The following ANK1 variants were observed in gnomAD, a reference collection of about 807,000 sequenced individuals.
The protein encoded by ANK1 is ankyrin 1, also known as ankyrin-1.
ANK1 carries 51 observed loss-of-function variants against 210.4 expected under a neutral mutation model. That is an observed-to-expected ratio of 0.24 (90% CI 0.19 to 0.31). The LOEUF (loss-of-function observed/expected upper bound fraction) is 0.31, where lower values mean the gene tolerates loss of function less well. Among genes scored for constraint, ANK1 ranks in the 10% least tolerant of loss-of-function variants. The pLI is 1.00. For synonymous variants in ANK1, 967 were observed against 1,025.9 expected, an observed-to-expected ratio of 0.94 and a Z score of 1.10; for missense variants, 2,051 against 2,504.4, an observed-to-expected ratio of 0.82 and a Z score of 3.86.
At chr8:41,815,128 A>C (rs2150785631) in intron 1 of ANK1, among the ~76,000 whole-genome samples, 1 of 152,334 alleles carries the variant, frequency 6.6e-6, no homozygotes, top group African/African-American at 2.4e-5. Flanking sequence ...TCAAAGTGAC[A>C]TGAGATCTTA....
At chr8:41,809,741 C>T (rs933978692) in intron 1 of ANK1, among the ~76,000 whole-genome samples, 20 of 152,188 alleles carry the variant, frequency 1.3e-4, no homozygotes, top group East Asian at 3.9e-4. Flanking sequence ...CACTTCAACC[C>T]GAGTGACAGA....
At chr8:41,701,932 G>T (rs370307870) in intron 21 of ANK1, 120 bp downstream of exon 21, 4 of 1,063,700 alleles carry the variant, frequency 3.8e-6, no homozygotes, top group African/African-American at 3.1e-5. Context: ...CGTCGGGCGC[G>T]GCGCCTCCGA....
chr8:41,783,395 T>C (rs1181609986), intron 1 of ANK1, among the ~76,000 whole-genome samples: 1 of 152,204 alleles, frequency 6.6e-6, no homozygotes, highest in Non-Finnish European at 1.5e-5. Flanking sequence ...TCCCGGGTCC[T>C]TCCCTGGAGC....
rs373986210 is a variant in ANK1, at chr8:41,706,033, G to A, written c.2097+110C>T. The A allele has an allele frequency of 1.5e-4, 161 of 1,054,918 alleles. No homozygotes were observed. The African/African-American group carries it at 2.2e-3, about 14-fold the overall frequency. The allele number at this position is 1,054,918 out of a possible 1,614,324, so 65.3% of individuals were successfully genotyped here. On this transcript the variant is annotated intron_variant, in intron 18 of 42. Coordinates refer to ENST00000289734, the MANE Select transcript of ANK1 (RefSeq NM_000037.4). Reference sequence around the variant, plus strand: ...CCACTGCCAGCCCTAGGAAGTGGCAGAGAAGAATGTCCCACTGGGTCTTTG... The same window carrying A: ...CCACTGCCAGCCCTAGGAAGTGGCAAAGAAGAATGTCCCACTGGGTCTTTG...
chr8:41,706,322 C>A, intron 17 of ANK1, 81 bp from the exon 18 acceptor site: 1 of 1,311,158 alleles, frequency 7.6e-7, no homozygotes, highest in East Asian at 2.5e-5. Context: ...GGTCTGGGAG[C>A]TGAAGCTAAC....
intron 1 of ANK1, among the ~76,000 whole-genome samples, chr8:41,761,813 G>C (rs1391045364): frequency 6.6e-6 from 1 of 152,138 alleles, no homozygotes; most frequent in African/African-American, 2.4e-5. Flanking sequence ...CAGCAGTAGG[G>C]TTCTCCAGCC....
chr8:41,726,897 A>G (rs1159374584), intron 5 of ANK1, among the ~76,000 whole-genome samples: 3 of 152,232 alleles, frequency 2.0e-5, no homozygotes, highest in African/African-American at 7.2e-5. Context: ...CCAAGGGTGC[A>G]TGGTGGTTTT....
At chr8:41,850,005 C>T (rs1288021138) in intron 1 of ANK1, among the ~76,000 whole-genome samples, 2 of 152,184 alleles carry the variant, frequency 1.3e-5, no homozygotes, top group African/African-American at 2.4e-5. Context: ...CAGCGGCTCT[C>T]AGACAGTCCC....
intron 1 of ANK1, among the ~76,000 whole-genome samples, chr8:41,794,837 T>C (rs1203272902): frequency 6.6e-6 from 1 of 152,174 alleles, no homozygotes; most frequent in African/African-American, 2.4e-5. Context: ...CCTAAGTAGC[T>C]GGGACTACAG....
At position 41,692,682 on chromosome 8, in the gene ANK1, T is replaced by C; in HGVS notation, c.3824A>G (p.Asn1275Ser). 6.2e-7 allele frequency: 1 copy of C among 1,613,884 alleles called. No homozygotes were observed. Among genetic ancestry groups the C allele is most frequent in the Non-Finnish European group, 8.5e-7 (1 of 1,179,998 alleles). ...KVDKTLEQHE[N>S]FVEVARSRDI... is the part of the protein sequence containing the mutation. Reference sequence around the variant, plus strand: ...CCTGCTCCGGGCCACCTCCACGAAGTTCTCATGCTGCTCCAGGGTCTTGTC... The same window carrying C: ...CCTGCTCCGGGCCACCTCCACGAAGCTCTCATGCTGCTCCAGGGTCTTGTC... Residue 1275 changes from asparagine (N) to serine (S), a missense_variant, in exon 31 of 43, where the codon AAC (asparagine) becomes AGC (serine). By Grantham distance (46) the Asn-to-Ser change is conservative. This residue lies in a region of ANK1 where 1,413 missense variants were observed against 1,707.4 expected (regional missense o/e 0.83). Transcript: ENST00000289734.
At chr8:41,703,450 A>ATATATATATATATATATATT (rs59985416) in intron 20 of ANK1, among the ~76,000 whole-genome samples, 9 of 58,820 alleles carry the variant, frequency 1.5e-4, no homozygotes, top group East Asian at 5.4e-4. Context: ...ATATATATAT[A>ATATATATATATATATATATT]TTTTTTTTTT....
At chr8:41,756,066 A>AAT (rs1225588560) in intron 2 of ANK1, among the ~76,000 whole-genome samples, 1 of 152,222 alleles carries the variant, frequency 6.6e-6, no homozygotes, top group African/African-American at 2.4e-5. Context: ...CCACTGCAAG[A>AAT]CCAACTGAAT....
Position 41,718,142 on chromosome 8 carries a change from C to T in ANK1, c.1170G>A (p.Leu390=), listed in dbSNP as rs762303392. 2 of 1,614,004 alleles carry T rather than the reference C, an allele frequency of 1.2e-6. No homozygotes were observed. The highest frequency in any genetic ancestry group is 1.7e-6 in the Non-Finnish European group (2 of 1,180,028). The change falls in exon 11 of 43, where the codon CTG becomes CTA. Residue 390 remains leucine (L), a synonymous_variant. Coordinates refer to ENST00000289734, the MANE Select transcript of ANK1 (RefSeq NM_000037.4). ...KKNHVRVMEL[L]LKTGASIDAV... is the part of the protein sequence containing the mutation. ...CGTCGATCGAGGCTCCCGTCTTCAG[C>T]AGCAGCTCCATGACACGGACGTGGT...
At chr8:41,716,386 C>T (rs1048210327) in intron 13 of ANK1, among the ~76,000 whole-genome samples, 3 of 152,050 alleles carry the variant, frequency 2.0e-5, no homozygotes, top group African/African-American at 7.2e-5. Flanking sequence ...ATGCTGCTGT[C>T]GGGCTGCCTG....
At position 41,694,114 on chromosome 8, in the gene ANK1, CAG is replaced by C; in HGVS notation, c.3328-14_3328-13del. On this transcript the variant is annotated splice_polypyrimidine_tract_variant and intron_variant, in intron 28 of 42. Coordinates refer to ENST00000289734, the MANE Select transcript of ANK1 (RefSeq NM_000037.4). This position sits in a 1 kb window ranked among gnomAD's most constrained non-coding sequence, Gnocchi z 5.7. ...GGGACAGGCTGGGCCTGTGAAATGA[CAG>C]AGGCAGGACACTCAGGCCCAAGCAG... is the stretch of plus-strand genomic sequence containing the variant. 9 of 1,612,422 alleles carry C rather than the reference CAG, an allele frequency of 5.6e-6. No individual in the cohort carries two copies. The South Asian group carries it at 8.8e-5, about 16-fold the overall frequency.
chr8:41,743,458 G>A (rs1369109594), intron 2 of ANK1, among the ~76,000 whole-genome samples: 6 of 152,138 alleles, frequency 3.9e-5, no homozygotes, highest in Admixed American at 2.0e-4. Context: ...AAACAGAAAC[G>A]AAATCAAAGC....
At chr8:41,843,539 A>G (rs28433485) in intron 1 of ANK1, among the ~76,000 whole-genome samples, 9,282 of 152,196 alleles carry the variant, frequency 0.061, 822 homozygotes, top group African/African-American at 0.2. Context: ...CATGGTGCAG[A>G]CAGGGCAGCT....
chr8:41,655,667 C>T lies in ANK1; in HGVS notation c.*123G>A. ...CCGTCAGCCCAGAGGAATGTGTGCA[C>T]CGCTGCGGTGGCCCTCAGGTCCAGC... On this transcript the variant is annotated 3_prime_UTR_variant, in exon 43 of 43. Transcript: ENST00000289734. The T allele has an allele frequency of 2.5e-6, 4 of 1,586,126 alleles. No individual in the cohort carries two copies. Among genetic ancestry groups the T allele is most frequent in the East Asian group, 2.2e-5 (1 of 44,728 alleles).
At chr8:41,708,741 C>A (rs778275094) in intron 17 of ANK1, 37 bp downstream of exon 17, 1 of 1,609,404 alleles carries the variant, frequency 6.2e-7, no homozygotes, top group Non-Finnish European at 8.5e-7. Context: ...CGTTGTTATC[C>A]AGCACTCCAG....
Sources: allele counts gnomAD v4.1 joint callset (sites outside exome capture counted in the v4.1 genomes callset), GRCh38; gene constraint gnomAD v4.1.1; regional missense constraint gnomAD v4.1.1; non-coding constraint Gnocchi (gnomAD v3.1); transcripts MANE v1.5; gene names NCBI Gene and HGNC (gene_info 2026-07-23, HGNC 2026-07-21).